Variants in SUGCT observed in about 807,000 individuals in gnomAD.
SUGCT encodes the protein succinyl-CoA:glutarate-CoA transferase.
In SUGCT, 41 loss-of-function variants were observed where a neutral mutation model predicts 55.0. The observed-to-expected ratio is 0.74, with a 90% CI of 0.58 to 0.97. SUGCT has a LOEUF of 0.97. Ranked by LOEUF, SUGCT falls within the 50% of genes least tolerant of loss-of-function variation. The pLI is 0.00. For synonymous variants in SUGCT, 187 were observed against 200.4 expected (o/e 0.93, Z 0.56); for missense variants, 568 against 547.8 (o/e 1.04, Z -0.37).
intron 6 of SUGCT, among the ~76,000 whole-genome samples, chr7:40,232,401 A>G (rs574364757): frequency 2.5e-4 from 38 of 152,246 alleles, no homozygotes; most frequent in African/African-American, 8.4e-4. Flanking sequence ...ACAGGGGTTA[A>G]TGAGTGGGGT....
intron 1 of SUGCT, among the ~76,000 whole-genome samples, chr7:40,147,317 C>T (rs192082450): frequency 1.3e-5 from 2 of 152,096 alleles, no homozygotes; most frequent in African/African-American, 4.8e-5. Flanking sequence ...TGAGGTTCAA[C>T]CCCCCCATCA....
At chr7:40,302,401 CA>C (rs1794589604) in intron 8 of SUGCT, among the ~76,000 whole-genome samples, 1 of 152,158 alleles carries the variant, frequency 6.6e-6, no homozygotes, top group African/African-American at 2.4e-5. Context: ...TGCTGCATAA[CA>C]GATTATCAGA....
At chr7:40,534,424 G>T (rs766618893) in intron 12 of SUGCT, among the ~76,000 whole-genome samples, 1 of 151,168 alleles carries the variant, frequency 6.6e-6, no homozygotes, top group African/African-American at 2.4e-5. Context: ...TCACTCTGTC[G>T]CCTAGGCTTT....
the SUGCT span, among the ~76,000 whole-genome samples, chr7:40,909,867 G>A: frequency 6.6e-6 from 1 of 152,090 alleles, no homozygotes; most frequent in Non-Finnish European, 1.5e-5. Context: ...GAGCCAACAT[G>A]TCTGAGTCTA....
chr7:40,170,519 A>G (rs1277657416), intron 1 of SUGCT, among the ~76,000 whole-genome samples: 1 of 152,200 alleles, frequency 6.6e-6, no homozygotes, highest in East Asian at 1.9e-4. Flanking sequence ...AAAAAAGAAC[A>G]TAGGGATGCC....
At chr7:40,269,038 A>G (rs938602962) in intron 7 of SUGCT, among the ~76,000 whole-genome samples, 1 of 152,222 alleles carries the variant, frequency 6.6e-6, no homozygotes, top group African/African-American at 2.4e-5. Flanking sequence ...TGTTTATCAC[A>G]GTGACTACCG....
chr7:40,592,992 A>G (rs900814452), intron 12 of SUGCT, among the ~76,000 whole-genome samples: 4 of 152,226 alleles, frequency 2.6e-5, no homozygotes, highest in Non-Finnish European at 5.9e-5. Context: ...GGGCACAAGT[A>G]AGTGCCAGGT....
At chr7:40,899,467 A>T in the SUGCT span, among the ~76,000 whole-genome samples, 1 of 152,194 alleles carries the variant, frequency 6.6e-6, no homozygotes, top group African/African-American at 2.4e-5. Flanking sequence ...ATATAAAAAG[A>T]CACGCGACTC....
intron 1 of SUGCT, chr7:40,141,709 T>TC (rs1320066128): frequency 5.2e-6 from 1 of 194,024 alleles, no homozygotes; most frequent in Admixed American, 5.3e-5. Context: ...GAGAGGGAAT[T>TC]CTTTTTTTTT....
At chr7:40,378,493 G>T (rs947304467) in intron 9 of SUGCT, among the ~76,000 whole-genome samples, 1 of 151,864 alleles carries the variant, frequency 6.6e-6, no homozygotes, top group African/African-American at 2.4e-5. Flanking sequence ...TTTCTTTTCA[G>T]ATGGAGTCTT....
rs1794039928 is a variant in SUGCT at position 40,530,733 on chromosome 7, C to A, written c.1089+34347C>A. On this transcript the variant is annotated intron_variant, in intron 12 of 13. Transcript: ENST00000335693. ...GTCACATCATTGTGATCAGTGAATCCATCTCTAATGGTTTAAATTTTAGAT... is the reference window on the plus strand; with the variant it reads ...GTCACATCATTGTGATCAGTGAATCAATCTCTAATGGTTTAAATTTTAGAT... Among the ~76,000 whole-genome samples the A allele has an allele frequency of 1.3e-5, 2 of 152,178 alleles. 1 individual carries two copies. Among genetic ancestry groups the A allele is most frequent in the South Asian group, 4.1e-4 (2 of 4,822 alleles).
At chr7:40,622,386 T>C (rs1294777681) in intron 12 of SUGCT, among the ~76,000 whole-genome samples, 1 of 152,172 alleles carries the variant, frequency 6.6e-6, no homozygotes, top group East Asian at 1.9e-4. Context: ...ACCTCAGCTT[T>C]CATCAAGCTC....
At chr7:40,605,689 G>A (rs917894203) in intron 12 of SUGCT, among the ~76,000 whole-genome samples, 2 of 152,188 alleles carry the variant, frequency 1.3e-5, no homozygotes, top group Non-Finnish European at 2.9e-5. Flanking sequence ...TATTAATTGC[G>A]AGGGAAACAC....
intron 8 of SUGCT, among the ~76,000 whole-genome samples, chr7:40,275,271 TG>T (rs1048001445): frequency 6.6e-6 from 1 of 152,192 alleles, no homozygotes; most frequent in Non-Finnish European, 1.5e-5. Context: ...TACTTTGACT[TG>T]TTTCTTCACC....
In SUGCT at chr7:40,596,540, G is replaced by T. The variant is rs539183576; in HGVS notation, c.1089+100154G>T. 1.1e-4 allele frequency among the ~76,000 whole-genome samples: 17 copies of T among 152,196 alleles called. No individual in the cohort carries two copies. The South Asian group carries it at 3.3e-3, about 30-fold the overall frequency. ...CTAGGAAGTCAAAGGAGAACTTAAGGTCCTATCAACTACCCAAGAAAATAT... is the reference window on the plus strand; with the variant it reads ...CTAGGAAGTCAAAGGAGAACTTAAGTTCCTATCAACTACCCAAGAAAATAT... On this transcript the variant is annotated intron_variant, in intron 12 of 13. Transcript: ENST00000335693.
At chr7:40,172,126 A>T in intron 1 of SUGCT, among the ~76,000 whole-genome samples, 1 of 152,072 alleles carries the variant, frequency 6.6e-6, no homozygotes, top group East Asian at 1.9e-4. Flanking sequence ...ATTCGCTTTC[A>T]TCCTGATCTA....
At chr7:40,183,523 T>G (rs1426515320) in intron 3 of SUGCT, among the ~76,000 whole-genome samples, 4 of 151,998 alleles carry the variant, frequency 2.6e-5, no homozygotes, top group Non-Finnish European at 5.9e-5. Context: ...AAAAATTTTT[T>G]TGTGTGTGTA....
At chr7:40,975,319 A>G in the SUGCT span, among the ~76,000 whole-genome samples, 1 of 152,142 alleles carries the variant, frequency 6.6e-6, no homozygotes, top group Non-Finnish European at 1.5e-5. Context: ...TCAGATCTCT[A>G]TATGTGGATG....
the SUGCT span, among the ~76,000 whole-genome samples, chr7:40,949,141 G>A: frequency 7.2e-5 from 11 of 152,044 alleles, 1 homozygote; most frequent in East Asian, 5.8e-4. Context: ...TTTAGTGATC[G>A]CCATTCTAAC....
Sources: gnomAD v4.1 joint callset for allele counts (sites outside exome capture counted in the v4.1 genomes callset) on GRCh38, gnomAD v4.1.1 for gene constraint, MANE v1.5 for transcripts, NCBI Gene and HGNC (gene_info 2026-07-23, HGNC 2026-07-21) for gene names.